ERCC1: variants seen among roughly 807,000 people sequenced by gnomAD.
ERCC1 encodes the protein DNA excision repair protein ERCC-1.
In ERCC1, 36 loss-of-function variants were observed where a neutral mutation model predicts 37.6. The observed-to-expected ratio is 0.96, with a 90% CI of 0.73 to 1.26. The LOEUF is 1.26. Ranked by LOEUF, ERCC1 falls within the 50% of genes most tolerant of loss-of-function variation. The pLI, the probability that ERCC1 is intolerant of heterozygous loss-of-function variation, is 0.00. For missense variants in ERCC1, 349 were observed against 376.5 expected (o/e 0.93, Z 0.60); for synonymous variants, 156 against 162.1 (o/e 0.96, Z 0.28).
Position 45,420,269 on chromosome 19 carries a change from T to TC in ERCC1, c.425+54dup. On this transcript the variant is annotated intron_variant, in intron 4 of 9. Coordinates refer to ENST00000300853, the MANE Select transcript of ERCC1 (RefSeq NM_001983.4). This position sits in a 1 kb window ranked among gnomAD's most constrained non-coding sequence, Gnocchi z 4.8. ...AGTCCAGAACACTGGGACATGACCC[T>TC]CCCAGGCCAGTGGGGTGCCCTTCCT... 1 of 1,156,670 alleles carries TC rather than the reference T, an allele frequency of 8.6e-7. No homozygotes were observed. The allele number at this position is 1,156,670 out of a possible 1,614,324, so 71.7% of individuals were successfully genotyped here.
At chr19:45,418,202 A>C (rs1456142933) in intron 5 of ERCC1, among the ~76,000 whole-genome samples, 2 of 152,048 alleles carry the variant, frequency 1.3e-5, no homozygotes, top group African/African-American at 4.8e-5. Context: ...ACAAAAAATT[A>C]GCCGGTCATG....
intron 1 of ERCC1, among the ~76,000 whole-genome samples, chr19:45,445,998 C>T (rs111930150): frequency 2.0e-5 from 3 of 152,268 alleles, no homozygotes; most frequent in African/African-American, 2.4e-5. Context: ...AAGCGATTCT[C>T]CTGCCTCAGC....
intron 3 of ERCC1, 121 bp downstream of exon 3, chr19:45,421,057 G>T: frequency 1.2e-6 from 1 of 818,362 alleles, no homozygotes; most frequent in Non-Finnish European, 2.1e-6. Flanking sequence ...ATGAATGAAT[G>T]AATGAATGAA....
rs1973551420 is a variant in ERCC1, at chr19:45,409,466, A to C, written c.*209T>G. 2 of 1,611,822 alleles carry C rather than the reference A, an allele frequency of 1.2e-6. No individual in the cohort carries two copies. Among genetic ancestry groups the C allele is most frequent in the African/African-American group, 2.7e-5 (2 of 74,896 alleles). On this transcript the variant is annotated 3_prime_UTR_variant, in exon 10 of 10. Transcript: ENST00000300853. ...GGAGGAGGCTCCCACAGGCCGGGAC[A>C]AGAAGCGGAAGCAGCAGCAGCAGCA...
intron 1 of ERCC1, among the ~76,000 whole-genome samples, chr19:45,446,165 G>A (rs560330515): frequency 4.6e-5 from 7 of 152,220 alleles, no homozygotes; most frequent in African/African-American, 1.4e-4. Context: ...CTCCCAAAGT[G>A]TTGGGATTAC....
rs552904836 is a variant in ERCC1 at position 45,417,385 on chromosome 19, G to A, written c.526-488C>T. Among the ~76,000 whole-genome samples the A allele has an allele frequency of 2.0e-5, 3 of 152,310 alleles. No homozygotes were observed. The East Asian group carries it at 5.8e-4, about 29-fold the overall frequency. Reference sequence around the variant, plus strand: ...CTGAGCCTGCCTGGGGGATCAGGGAGGGCTTCTTGGAGGAGGGGACATTAG... The same window carrying A: ...CTGAGCCTGCCTGGGGGATCAGGGAAGGCTTCTTGGAGGAGGGGACATTAG... On this transcript the variant is annotated intron_variant, in intron 5 of 9. Transcript: ENST00000300853.
upstream of ERCC1, among the ~76,000 whole-genome samples, chr19:45,425,009 C>T (rs1196396093): frequency 6.6e-6 from 1 of 150,666 alleles, no homozygotes; most frequent in Non-Finnish European, 1.5e-5. Context: ...TGCACCTCCC[C>T]CTCCCGGGTT....
Position 45,408,855 on chromosome 19 carries a change from C to G in ERCC1, c.*820G>C. The G allele has an allele frequency of 6.2e-7, 1 of 1,614,018 alleles. No individual in the cohort carries two copies. The highest frequency in any genetic ancestry group is 8.5e-7 in the Non-Finnish European group (1 of 1,180,010). ...AAAAAGAGAAAGAGGCAAAAGGGGACGGAAGGGATGGAGCCAGAGGAGGGG... is the reference window on the plus strand; with the variant it reads ...AAAAAGAGAAAGAGGCAAAAGGGGAGGGAAGGGATGGAGCCAGAGGAGGGG... On this transcript the variant is annotated 3_prime_UTR_variant, in exon 10 of 10. Coordinates refer to ENST00000300853, the MANE Select transcript of ERCC1 (RefSeq NM_001983.4).
At chr19:45,439,293 T>C (rs1406697659) in intron 1 of ERCC1, among the ~76,000 whole-genome samples, 1 of 152,152 alleles carries the variant, frequency 6.6e-6, no homozygotes, top group Non-Finnish European at 1.5e-5. Flanking sequence ...TGATGGTACA[T>C]TGCGGTTCAT....
chr19:45,409,859 C>T (rs1973582666), intron 9 of ERCC1, 134 bp from the exon 10 acceptor site: 2 of 537,754 alleles, frequency 3.7e-6, no homozygotes, highest in African/African-American at 3.8e-5. Context: ...ACAAACAATC[C>T]AGTTACAATC....
chr19:45,429,943 C>A (rs13344457), intron 1 of ERCC1, among the ~76,000 whole-genome samples: 38,819 of 152,060 alleles, frequency 0.26, 5,234 homozygotes, highest in Admixed American at 0.35. Flanking sequence ...TGCCACCACA[C>A]CCAGCTAATT....
chr19:45,433,915 G>C (rs10420725), intron 1 of ERCC1, among the ~76,000 whole-genome samples: 85,107 of 150,558 alleles, frequency 0.57, 27,332 homozygotes, highest in African/African-American at 0.87. Flanking sequence ...GGTGGATCAC[G>C]TGAGGTCAGG....
At chr19:45,451,196 C>G (rs1947602820) in intron 1 of ERCC1, among the ~76,000 whole-genome samples, 2 of 152,120 alleles carry the variant, frequency 1.3e-5, no homozygotes, top group Admixed American at 1.3e-4. Flanking sequence ...GGTATCTGTC[C>G]GTCTGCGCCC....
At chr19:45,449,987 C>T (rs1030303706) in intron 1 of ERCC1, among the ~76,000 whole-genome samples, 1 of 152,092 alleles carries the variant, frequency 6.6e-6, no homozygotes, top group Admixed American at 6.6e-5. Context: ...AAAAGCCCAG[C>T]GAGTTAGGGA....
intron 7 of ERCC1, chr19:45,414,658 G>A: frequency 1.8e-6 from 1 of 541,100 alleles, no homozygotes. Flanking sequence ...GGGTACTGGG[G>A]AGCCATGGGA....
intron 9 of ERCC1, chr19:45,413,437 C>T: frequency 1.3e-6 from 1 of 751,304 alleles, no homozygotes; most frequent in Non-Finnish European, 2.3e-6. Context: ...ACCACCATGC[C>T]CAGCTAGTTT....
chr19:45,424,337 G>C (rs893731843), upstream of ERCC1: 3 of 152,532 alleles, frequency 2.0e-5, no homozygotes, highest in African/African-American at 7.2e-5. Context: ...CGGAGCTTAC[G>C]GTTCAGTAAG....
At chr19:45,412,410 C>T (rs1193442505) in intron 9 of ERCC1, among the ~76,000 whole-genome samples, 2 of 152,186 alleles carry the variant, frequency 1.3e-5, no homozygotes, top group African/African-American at 2.4e-5. Context: ...CTGCCCGCCT[C>T]GGCCTCCCAA....
At chr19:45,434,809 C>T (rs916724992) in intron 1 of ERCC1, among the ~76,000 whole-genome samples, 1 of 150,540 alleles carries the variant, frequency 6.6e-6, no homozygotes, top group Non-Finnish European at 1.5e-5. Context: ...GAGTTTCGCT[C>T]TTGTTGCCCA....
Sources: allele counts gnomAD v4.1 joint callset (sites outside exome capture counted in the v4.1 genomes callset), GRCh38; gene constraint gnomAD v4.1.1; non-coding constraint Gnocchi (gnomAD v3.1); transcripts MANE v1.5; gene names NCBI Gene and HGNC (gene_info 2026-07-23, HGNC 2026-07-21).